Variants in SMAD9 observed in about 807,000 individuals in gnomAD.
SMAD9 encodes the protein MAD homolog 9.
A neutral mutation model predicts 46.1 loss-of-function variants in SMAD9; 36 were observed. The observed-to-expected ratio is 0.78, with a 90% confidence interval of 0.60 to 1.03. The LOEUF is 1.03. Ranked by LOEUF, SMAD9 falls within the 50% of genes least tolerant of loss-of-function variation. The probability of loss-of-function intolerance (pLI) is 0.00; values close to 1 mark genes in which losing one functional copy is unlikely to be tolerated. For synonymous variants in SMAD9, 245 were observed against 237.1 expected (o/e 1.03, Z -0.31); for missense variants, 572 against 599.8 (o/e 0.95, Z 0.48).
intron 6 of SMAD9, among the ~76,000 whole-genome samples, chr13:36,853,204 G>C (rs2058089165): frequency 6.6e-6 from 1 of 152,124 alleles, no homozygotes; most frequent in Admixed American, 6.5e-5. Flanking sequence ...AAAATCGCTT[G>C]AACCCGGGAG....
At chr13:36,907,557 C>G (rs9576134) in intron 1 of SMAD9, among the ~76,000 whole-genome samples, 34,811 of 151,962 alleles carry the variant, frequency 0.23, 4,067 homozygotes, top group East Asian at 0.32. Context: ...CACCTGTAAT[C>G]CCAGCTACTC....
chr13:36,891,972 T>C (rs1472107100), intron 1 of SMAD9, among the ~76,000 whole-genome samples: 2 of 152,178 alleles, frequency 1.3e-5, no homozygotes, highest in Non-Finnish European at 2.9e-5. Flanking sequence ...TGTCCTGGAG[T>C]AAGGGTGAGC....
chr13:36,904,678 T>G (rs116884979), intron 1 of SMAD9, among the ~76,000 whole-genome samples: 3,906 of 152,298 alleles, frequency 0.026, 68 homozygotes, highest in Non-Finnish European at 0.041. Context: ...CCAAATAAAA[T>G]TATCTTCTCA....
At chr13:36,876,684 T>C (rs1217117855) in intron 2 of SMAD9, among the ~76,000 whole-genome samples, 1 of 152,164 alleles carries the variant, frequency 6.6e-6, no homozygotes, top group Non-Finnish European at 1.5e-5. Flanking sequence ...CTGAAGTCAA[T>C]TATTGAAGTG....
intron 4 of SMAD9, among the ~76,000 whole-genome samples, chr13:36,866,767 CGTAAGATCTACA>C (rs2058238826): frequency 6.6e-6 from 1 of 151,968 alleles, no homozygotes; most frequent in African/African-American, 2.4e-5. Context: ...TGGACCCCAC[CGTAAGATCTACA>C]GAATAAAAAT....
At chr13:36,851,762 T>C in intron 6 of SMAD9, 2 of 967,122 alleles carry the variant, frequency 2.1e-6, no homozygotes, top group Non-Finnish European at 2.5e-6. Context: ...ATTTACTATG[T>C]ATTTATTTTA....
At chr13:36,887,054 T>G (rs1593599215) in intron 1 of SMAD9, among the ~76,000 whole-genome samples, 1 of 142,812 alleles carries the variant, frequency 7.0e-6, no homozygotes, top group African/African-American at 2.6e-5. Context: ...TTTTTTTTTT[T>G]TTTTTTTTTG....
At chr13:36,872,566 G>A in intron 3 of SMAD9, 92 bp downstream of exon 3, 2 of 1,431,766 alleles carry the variant, frequency 1.4e-6, no homozygotes, top group South Asian at 1.2e-5. Flanking sequence ...ATGAATGACA[G>A]TTACAATGAC....
At chr13:36,867,407 G>A (rs2058245960) in intron 3 of SMAD9, 24 bp from the exon 4 acceptor site, 1 of 1,450,790 alleles carries the variant, frequency 6.9e-7, no homozygotes, top group Non-Finnish European at 9.4e-7. Context: ...GTAGAACAAA[G>A]GAATTGTCAA....
intron 1 of SMAD9, among the ~76,000 whole-genome samples, chr13:36,884,142 C>T (rs1320568748): frequency 1.3e-5 from 2 of 152,194 alleles, no homozygotes; most frequent in Non-Finnish European, 2.9e-5. Context: ...AACTCTGACA[C>T]CGCTATCAAA....
chr13:36,874,916 T>TGTAC (rs1352791627), intron 2 of SMAD9, among the ~76,000 whole-genome samples: 1 of 149,544 alleles, frequency 6.7e-6, no homozygotes, highest in Non-Finnish European at 1.5e-5. Flanking sequence ...TATGTATGTA[T>TGTAC]GTGAGTGAAA....
intron 5 of SMAD9, among the ~76,000 whole-genome samples, chr13:36,856,946 G>A (rs182731253): frequency 6.6e-6 from 1 of 152,046 alleles, no homozygotes; most frequent in Non-Finnish European, 1.5e-5. Context: ...GGGATTACAG[G>A]CGCCTGCCAC....
In SMAD9 at chr13:36,845,092, G is replaced by A. The variant is rs541193305; in HGVS notation, c.*3584C>T. The A allele has an allele frequency of 3.0e-5, 4 of 133,710 alleles. No individual in the cohort carries two copies. The Admixed American group carries it at 3.0e-4, about 10-fold the overall frequency. 8.3% of individuals were successfully genotyped at this position (133,710 alleles called of 1,614,324 possible). A position where few individuals can be genotyped will look rare whatever the true frequency, so the allele number is the denominator to read the frequency against. ...CATGTTATATTTTGCTTTATTTGTT[G>A]AATATATATGTGTGTGTGTGTGTAT... On this transcript the variant is annotated 3_prime_UTR_variant, in exon 7 of 7. Transcript: ENST00000379826.
At chr13:36,919,624 C>T (rs1455945941) in intron 1 of SMAD9, among the ~76,000 whole-genome samples, 2 of 151,208 alleles carry the variant, frequency 1.3e-5, no homozygotes, top group Non-Finnish European at 3.0e-5. Flanking sequence ...TCTCCAGCTA[C>T]AGCAAGCGAC....
chr13:36,880,278 A>G (rs1432426971), intron 1 of SMAD9, among the ~76,000 whole-genome samples: 1 of 151,974 alleles, frequency 6.6e-6, no homozygotes, highest in Admixed American at 6.6e-5. Flanking sequence ...TTTCAATTCG[A>G]ATTCACTTAC....
intron 6 of SMAD9, among the ~76,000 whole-genome samples, chr13:36,853,148 GGT>G (rs2058088517): frequency 6.6e-6 from 1 of 152,148 alleles, no homozygotes; most frequent in African/African-American, 2.4e-5. Flanking sequence ...AGCCAAGCGT[GGT>G]GGTGCGTGCC....
intron 1 of SMAD9, among the ~76,000 whole-genome samples, chr13:36,904,671 A>T (rs532537005): frequency 1.7e-4 from 26 of 152,302 alleles, no homozygotes; most frequent in African/African-American, 6.3e-4. Context: ...GACTCCCCCA[A>T]ATAAAATTAT....
intron 1 of SMAD9, among the ~76,000 whole-genome samples, chr13:36,892,497 C>T (rs918902245): frequency 6.6e-6 from 1 of 152,176 alleles, no homozygotes; most frequent in Non-Finnish European, 1.5e-5. Context: ...TTAAAAACCA[C>T]ATTTTGACAA....
At chr13:36,909,422 C>T (rs1386561223) in intron 1 of SMAD9, among the ~76,000 whole-genome samples, 1 of 152,224 alleles carries the variant, frequency 6.6e-6, no homozygotes, top group African/African-American at 2.4e-5. Flanking sequence ...GCCAGCACTA[C>T]CTTGTAGAGA....
Sources: allele counts gnomAD v4.1 joint callset (sites outside exome capture counted in the v4.1 genomes callset), GRCh38; gene constraint gnomAD v4.1.1; transcripts MANE v1.5; gene names NCBI Gene and HGNC (gene_info 2026-07-23, HGNC 2026-07-21).